The following CARS2 variants were observed in gnomAD, a reference collection of about 807,000 sequenced individuals.
CARS2 encodes probable cysteine--tRNA ligase, mitochondrial.
In CARS2, 52 loss-of-function variants were observed where a neutral mutation model predicts 68.8. The ratio of observed to expected loss-of-function variants is 0.76; its 90% CI spans 0.61 to 0.95. The LOEUF is 0.95. Among genes scored for constraint, CARS2 ranks in the 40% least tolerant of loss-of-function variants. The pLI is 0.00. For missense variants in CARS2, 780 were observed against 754.2 expected, an observed-to-expected ratio of 1.03 and a Z score of -0.40; for synonymous variants, 314 against 303.6, an observed-to-expected ratio of 1.03 and a Z score of -0.36.
Position 110,641,582 on chromosome 13 carries a change from C to T in CARS2, c.1650G>A (p.Trp550Ter), listed in dbSNP as rs1162839265. The T allele has an allele frequency of 3.1e-6, 5 of 1,614,044 alleles. No individual in the cohort carries two copies. Among genetic ancestry groups the T allele is most frequent in the East Asian group, 2.2e-5 (1 of 44,884 alleles). Reference protein sequence around the residue: ...IKDRSSTTSTWELLDQRTKDQ... With the variant: ...IKDRSSTTST ...CTTTTGTCCTTTGATCCAGCAGTTC[C>T]CACGTGGATGTTGTACTGCTTCTGT... Residue 550 changes from tryptophan (W) to a stop codon, truncating the protein, a stop_gained, in exon 15 of 15, where the codon TGG becomes TGA. Transcript: ENST00000257347. LOFTEE classifies it high-confidence loss of function.
chr13:110,706,678 AAC>A (rs2063968081), upstream of CARS2, among the ~76,000 whole-genome samples: 1 of 149,654 alleles, frequency 6.7e-6, no homozygotes, highest in Non-Finnish European at 1.5e-5. Flanking sequence ...TTAGCATCCC[AAC>A]ACAGTGCACC....
At position 110,665,891 on chromosome 13, in the gene CARS2, A is replaced by G. The variant is rs980462095; in HGVS notation, c.919+1449T>C. 48 of 985,296 alleles carry G rather than the reference A, an allele frequency of 4.9e-5. No individual in the cohort carries two copies. Among genetic ancestry groups the G allele is most frequent in the Non-Finnish European group, 5.7e-5 (47 of 829,944 alleles). The allele number at this position is 985,296 out of a possible 1,614,324, so 61.0% of individuals were successfully genotyped here. On this transcript the variant is annotated intron_variant, in intron 8 of 14. Coordinates refer to ENST00000257347, the MANE Select transcript of CARS2 (RefSeq NM_024537.4). This position sits in a 1 kb window ranked among gnomAD's most constrained non-coding sequence, Gnocchi z 4.3. The stretch of plus-strand genomic sequence containing the variant: ...TTAATTTCCCAATTCAAGGGTTTCA[A>G]AAACTAGTATTTGTTAATTTCCTGT...
rs562244534 is a variant in CARS2, at chr13:110,676,500, T to A, written c.785+474A>T. 1.0e-3 allele frequency among the ~76,000 whole-genome samples: 157 copies of A among 152,114 alleles called. No individual in the cohort carries two copies. The highest frequency in any genetic ancestry group is 3.6e-3 in the African/African-American group (150 of 41,520). On this transcript the variant is annotated intron_variant, in intron 7 of 14. Transcript: ENST00000257347. This position sits in a 1 kb window ranked among gnomAD's most constrained non-coding sequence, Gnocchi z 4.0. ...GAGCTTTGGTGACAGAGGACCCACA[T>A]GAGGGTGGCTGGGGGACTCCAGGAA...
chr13:110,675,908 C>T (rs941954390), intron 7 of CARS2, among the ~76,000 whole-genome samples: 3 of 152,132 alleles, frequency 2.0e-5, no homozygotes, highest in African/African-American at 4.8e-5. Flanking sequence ...GTAATCCCAG[C>T]ACTTTGGGAG....
In CARS2 at chr13:110,686,006, A is replaced by G. The variant is rs1350172249; in HGVS notation, c.571+1715T>C. The stretch of plus-strand genomic sequence containing the variant: ...CCAGAAAAAATGAAAAAAAAAAAAA[A>G]AGAGAAAAAAAGAAAAAAAGAAAGA... On this transcript the variant is annotated intron_variant, in intron 5 of 14. Transcript: ENST00000257347. Among the ~76,000 whole-genome samples the G allele has an allele frequency of 8.0e-5, 12 of 149,442 alleles. 1 individual carries two copies. Among genetic ancestry groups the G allele is most frequent in the African/African-American group, 3.0e-4 (12 of 39,750 alleles).
In CARS2 at chr13:110,653,516, C is replaced by T. The variant is rs576134147; in HGVS notation, c.988-2416G>A. On this transcript the variant is annotated intron_variant, in intron 9 of 14. Coordinates refer to ENST00000257347, the MANE Select transcript of CARS2 (RefSeq NM_024537.4). This position sits in a 1 kb window ranked among gnomAD's most constrained non-coding sequence, Gnocchi z 5.6. ...AACACCACTCCACAAGCAGCCTCCA[C>T]GCTCCCCACTTCATTCCAAAAACGA... 2.7e-4 allele frequency among the ~76,000 whole-genome samples: 41 copies of T among 152,268 alleles called. No homozygotes were observed. The highest frequency in any genetic ancestry group is 9.9e-4 in the African/African-American group (41 of 41,538).
intron 2 of CARS2, 129 bp from the exon 3 acceptor site, chr13:110,701,684 A>T (rs2063792418): frequency 3.3e-6 from 2 of 597,272 alleles, no homozygotes; most frequent in Non-Finnish European, 6.0e-6. Context: ...AGGTCAGCGG[A>T]GCAGGTACAA....
At chr13:110,695,685 G>A (rs968087515) in intron 3 of CARS2, among the ~76,000 whole-genome samples, 1 of 151,408 alleles carries the variant, frequency 6.6e-6, no homozygotes, top group South Asian at 2.1e-4. Flanking sequence ...GTTTAAAATC[G>A]TAAATTTTAT....
intron 6 of CARS2, among the ~76,000 whole-genome samples, chr13:110,678,331 G>A (rs1035673805): frequency 3.3e-5 from 5 of 152,134 alleles, no homozygotes; most frequent in Admixed American, 6.5e-5. Flanking sequence ...GCCCATCACC[G>A]TGCGGTGAGG....
In CARS2 at chr13:110,653,070, T is replaced by C. The variant is rs552433590; in HGVS notation, c.988-1970A>G. Among the ~76,000 whole-genome samples, 10 of 152,084 alleles carry C rather than the reference T, an allele frequency of 6.6e-5. No individual in the cohort carries two copies. ...TCAAGCAGAGCCCCCGCTCCTCTAC[T>C]TCAGTATCATCAACGGCCTTTGGGA... On this transcript the variant is annotated intron_variant, in intron 9 of 14. Transcript: ENST00000257347. The surrounding 1 kb of genome is among the most constrained non-coding windows in gnomAD (Gnocchi z 5.6).
chr13:110,697,377 G>C (rs1481248255), intron 3 of CARS2, among the ~76,000 whole-genome samples: 4 of 152,216 alleles, frequency 2.6e-5, no homozygotes, highest in African/African-American at 9.6e-5. Flanking sequence ...TCAATGATCT[G>C]ACTCTCAGTT....
In CARS2 at chr13:110,665,774, C is replaced by A; in HGVS notation, c.919+1566G>T. On this transcript the variant is annotated intron_variant, in intron 8 of 14. Coordinates refer to ENST00000257347, the MANE Select transcript of CARS2 (RefSeq NM_024537.4). This position sits in a 1 kb window ranked among gnomAD's most constrained non-coding sequence, Gnocchi z 4.3. Reference sequence around the variant, plus strand: ...GTGACTTCGGGGCAATCAGCCTCATCTATTTACTTTCATGAAGAAACCCAA... The same window carrying A: ...GTGACTTCGGGGCAATCAGCCTCATATATTTACTTTCATGAAGAAACCCAA... 1.0e-6 allele frequency: 1 copy of A among 985,264 alleles called. No homozygotes were observed. Among genetic ancestry groups the A allele is most frequent in the South Asian group, 4.7e-5 (1 of 21,272 alleles). 61.0% of individuals were successfully genotyped at this position (985,264 alleles called of 1,614,324 possible). A position where few individuals can be genotyped will look rare whatever the true frequency, so the allele number is the denominator to read the frequency against.
chr13:110,690,573 A>T (rs1171237514), intron 3 of CARS2, among the ~76,000 whole-genome samples: 3 of 152,036 alleles, frequency 2.0e-5, no homozygotes, highest in Non-Finnish European at 4.4e-5. Flanking sequence ...CCCCTTCCAG[A>T]TGTGTCGCTA....
chr13:110,647,286 C>A, intron 10 of CARS2, 47 bp from the exon 11 acceptor site: 1 of 1,587,546 alleles, frequency 6.3e-7, no homozygotes, highest in Non-Finnish European at 8.6e-7. Flanking sequence ...CCATGCTGTG[C>A]CCCTGCCCTG....
chr13:110,666,048 C>T, intron 8 of CARS2: 1 of 985,252 alleles, frequency 1.0e-6, no homozygotes, highest in Non-Finnish European at 1.2e-6. Flanking sequence ...ATCTGGGCTC[C>T]CAGCACGCTT....
At chr13:110,689,089 C>T (rs1035013338) in intron 3 of CARS2, among the ~76,000 whole-genome samples, 1 of 152,184 alleles carries the variant, frequency 6.6e-6, no homozygotes, top group African/African-American at 2.4e-5. Flanking sequence ...CTTGGGGGCA[C>T]GCATCTGCAG....
In CARS2 at chr13:110,705,838, C is replaced by G; in HGVS notation, c.224+32G>C. ...GTGGGAAGTCTCCGCCACGATCGGC[C>G]CCCGCCCGTGCCCCAGTCCCGCGCG... On this transcript the variant is annotated intron_variant, in intron 1 of 14. Transcript: ENST00000257347. The surrounding 1 kb of genome is among the most constrained non-coding windows in gnomAD (Gnocchi z 4.0). 1 of 1,536,278 alleles carries G rather than the reference C, an allele frequency of 6.5e-7. No individual in the cohort carries two copies. The highest frequency in any genetic ancestry group is 8.7e-7 in the Non-Finnish European group (1 of 1,143,226).
At chr13:110,666,445 C>T (rs2062650583) in intron 8 of CARS2, 1 of 985,266 alleles carries the variant, frequency 1.0e-6, no homozygotes, top group African/African-American at 1.7e-5. Flanking sequence ...GAGAGGCAGA[C>T]ATAGTAGGTA....
intron 3 of CARS2, among the ~76,000 whole-genome samples, chr13:110,695,590 G>T (rs1182465049): frequency 3.3e-5 from 5 of 152,124 alleles, no homozygotes; most frequent in Non-Finnish European, 7.3e-5. Flanking sequence ...TCCGGCACAG[G>T]CTGCAGGTGG....
Sources: allele counts gnomAD v4.1 joint callset (sites outside exome capture counted in the v4.1 genomes callset), GRCh38; gene constraint gnomAD v4.1.1; non-coding constraint Gnocchi (gnomAD v3.1); transcripts MANE v1.5; gene names NCBI Gene and HGNC (gene_info 2026-07-23, HGNC 2026-07-21).